Variants in CNTNAP2 observed in about 807,000 individuals in gnomAD.
CNTNAP2 encodes the protein contactin-associated protein-like 2.
In CNTNAP2, 98 loss-of-function variants were observed where a neutral mutation model predicts 155.2. The observed-to-expected ratio is 0.63, with a 90% CI of 0.54 to 0.75. The LOEUF (loss-of-function observed/expected upper bound fraction) is 0.75, where lower values mean the gene tolerates loss of function less well. CNTNAP2 is among the 30% of genes least tolerant of loss of function. The probability of loss-of-function intolerance (pLI) is 0.00; values close to 1 mark genes in which losing one functional copy is unlikely to be tolerated. For synonymous variants in CNTNAP2, 651 were observed against 631.2 expected, an observed-to-expected ratio of 1.03 and a Z score of -0.47; for missense variants, 1,727 against 1,688.1, an observed-to-expected ratio of 1.02 and a Z score of -0.40.
intron 12 of CNTNAP2, among the ~76,000 whole-genome samples, chr7:147,603,044 C>A (rs1427517051): frequency 6.6e-6 from 1 of 151,824 alleles, no homozygotes; most frequent in Non-Finnish European, 1.5e-5. Flanking sequence ...AGTTCTAGAT[C>A]CCTGAGGAAT....
At chr7:147,875,596 A>T (rs190150455) in intron 13 of CNTNAP2, among the ~76,000 whole-genome samples, 12 of 152,268 alleles carry the variant, frequency 7.9e-5, no homozygotes, top group Admixed American at 5.2e-4. Context: ...AGTAATTTTT[A>T]AAAATGCTTA....
chr7:146,358,748 C>A (rs959546533), intron 1 of CNTNAP2, among the ~76,000 whole-genome samples: 1 of 152,104 alleles, frequency 6.6e-6, no homozygotes, highest in African/African-American at 2.4e-5. Context: ...AATGATGATT[C>A]AACTAATCAC....
intron 1 of CNTNAP2, among the ~76,000 whole-genome samples, chr7:146,356,240 C>T (rs1379714445): frequency 6.6e-6 from 1 of 152,130 alleles, no homozygotes; most frequent in South Asian, 2.1e-4. Context: ...AGGCTTTTAA[C>T]CTGTGTTTAT....
intron 16 of CNTNAP2, among the ~76,000 whole-genome samples, chr7:148,124,608 C>T (rs1171823665): frequency 6.6e-6 from 1 of 152,150 alleles, no homozygotes; most frequent in African/African-American, 2.4e-5. Context: ...ACATTAGTGA[C>T]AGTGTGGATA....
At chr7:147,220,306 T>C (rs930438471) in intron 8 of CNTNAP2, among the ~76,000 whole-genome samples, 2 of 152,218 alleles carry the variant, frequency 1.3e-5, no homozygotes, top group Non-Finnish European at 2.9e-5. Flanking sequence ...TGCTTTCTTT[T>C]GATTAGTGTT....
intron 13 of CNTNAP2, among the ~76,000 whole-genome samples, chr7:147,687,192 G>T (rs1796027454): frequency 6.6e-6 from 1 of 152,018 alleles, no homozygotes; most frequent in South Asian, 2.1e-4. Flanking sequence ...TACTTTTGTT[G>T]GAATGAATTC....
chr7:146,445,248 C>T (rs1639454), intron 1 of CNTNAP2, among the ~76,000 whole-genome samples: 5,439 of 152,142 alleles, frequency 0.036, 346 homozygotes, highest in African/African-American at 0.12. Flanking sequence ...TTATGCCTGA[C>T]GTTGTTGTAA....
At chr7:148,255,096 T>G (rs1404124735) in intron 20 of CNTNAP2, among the ~76,000 whole-genome samples, 1 of 152,198 alleles carries the variant, frequency 6.6e-6, no homozygotes, top group East Asian at 1.9e-4. Context: ...TGAAAGTGTA[T>G]AAAACCATGA....
intron 16 of CNTNAP2, among the ~76,000 whole-genome samples, chr7:148,132,906 A>G (rs1445423830): frequency 2.0e-5 from 3 of 152,196 alleles, no homozygotes; most frequent in Admixed American, 6.5e-5. Flanking sequence ...AATTCATTCA[A>G]ATATATTACG....
At position 147,641,868 on chromosome 7, in the gene CNTNAP2, A is replaced by C. The variant is rs117989509; in HGVS notation, c.2098+2562A>C. Among the ~76,000 whole-genome samples, 14 of 152,244 alleles carry C rather than the reference A, an allele frequency of 9.2e-5. No homozygotes were observed. The East Asian group carries it at 2.7e-3, about 29-fold the overall frequency. ...TTCTGTCATTGAAGCCACTCAATCTATGGTATTTTGTTATGGAAGCCTGAG... is the reference window on the plus strand; with the variant it reads ...TTCTGTCATTGAAGCCACTCAATCTCTGGTATTTTGTTATGGAAGCCTGAG... On this transcript the variant is annotated intron_variant, in intron 13 of 23. Transcript: ENST00000361727.
At chr7:147,466,707 G>A (rs4604346) in intron 10 of CNTNAP2, among the ~76,000 whole-genome samples, 121,537 of 152,120 alleles carry the variant, frequency 0.8, 49,198 homozygotes, top group African/African-American at 0.94. Context: ...GCCTGAGGTC[G>A]GGAGTTTGAG....
intron 18 of CNTNAP2, among the ~76,000 whole-genome samples, chr7:148,174,373 C>T (rs1362077330): frequency 1.3e-5 from 2 of 152,104 alleles, no homozygotes; most frequent in African/African-American, 4.8e-5. Context: ...CTGCTCTGGA[C>T]CTCACTCTCC....
intron 1 of CNTNAP2, among the ~76,000 whole-genome samples, chr7:146,280,660 A>C (rs919273130): frequency 6.6e-6 from 1 of 152,088 alleles, no homozygotes; most frequent in African/African-American, 2.4e-5. Context: ...TGCCCACTTC[A>C]TGCATGCTTT....
chr7:146,350,077 T>G (rs1794889228), intron 1 of CNTNAP2, among the ~76,000 whole-genome samples: 1 of 152,216 alleles, frequency 6.6e-6, no homozygotes, highest in Non-Finnish European at 1.5e-5. Flanking sequence ...CCAACTTGAT[T>G]CCATTCTCCG....
chr7:147,281,921 T>G (rs1011947492), intron 8 of CNTNAP2, among the ~76,000 whole-genome samples: 47 of 151,958 alleles, frequency 3.1e-4, no homozygotes, highest in African/African-American at 1.1e-3. Context: ...TACTAGCTAC[T>G]GGAGTTTACC....
intron 1 of CNTNAP2, among the ~76,000 whole-genome samples, chr7:146,686,241 A>T (rs1388257869): frequency 6.6e-6 from 1 of 152,074 alleles, no homozygotes; most frequent in African/African-American, 2.4e-5. Flanking sequence ...GGCTGTTGTG[A>T]GCTGTGATTG....
chr7:146,935,030 G>A lies in CNTNAP2; in HGVS notation c.402+95126G>A, dbSNP rs574027804. ...CTTTAAGAAACTTTTGATTTAAAAT[G>A]TGTTCATGACCTTGTGTTCATAATT... is the stretch of plus-strand genomic sequence containing the variant. On this transcript the variant is annotated intron_variant, in intron 3 of 23. Coordinates refer to ENST00000361727, the MANE Select transcript of CNTNAP2 (RefSeq NM_014141.6). Among the ~76,000 whole-genome samples, 6 of 152,336 alleles carry A rather than the reference G, an allele frequency of 3.9e-5. No individual in the cohort carries two copies. In the East Asian group the frequency reaches 1.2e-3, roughly 29 times the overall value.
rs143768862 is a variant in CNTNAP2 at position 148,312,204 on chromosome 7, T to G, written c.3475+45078T>G. ...TTTGGACAGAAAGGCTACAGGGTGC[T>G]GTCCCGGCTCTTGTGTAAGAATTCT... On this transcript the variant is annotated intron_variant, in intron 21 of 23. Coordinates refer to ENST00000361727, the MANE Select transcript of CNTNAP2 (RefSeq NM_014141.6). Among the ~76,000 whole-genome samples, 503 of 152,300 alleles carry G rather than the reference T, an allele frequency of 3.3e-3. 6 individuals carry two copies. Among genetic ancestry groups the G allele is most frequent in the African/African-American group, 0.011 (451 of 41,558 alleles).
intron 13 of CNTNAP2, among the ~76,000 whole-genome samples, chr7:147,796,506 G>C (rs115004173): frequency 7.1e-6 from 1 of 140,980 alleles, no homozygotes; most frequent in Non-Finnish European, 1.7e-5. Context: ...TGTTTGCTAA[G>C]CACTTACCAA....
Sources: gnomAD v4.1 joint callset for allele counts (sites outside exome capture counted in the v4.1 genomes callset) on GRCh38, gnomAD v4.1.1 for gene constraint, MANE v1.5 for transcripts, NCBI Gene and HGNC (gene_info 2026-07-23, HGNC 2026-07-21) for gene names.